Variants in RBFOX2 observed in about 807,000 individuals in gnomAD.
RBFOX2 encodes the protein RNA binding fox-1 homolog 2.
In RBFOX2, 10 loss-of-function variants were observed where a neutral mutation model predicts 49.1. The observed-to-expected ratio is 0.20, with a 90% CI of 0.13 to 0.35. The LOEUF is 0.35. Among genes scored for constraint, RBFOX2 ranks in the 10% least tolerant of loss-of-function variants. The pLI, the probability that RBFOX2 is intolerant of heterozygous loss-of-function variation, is 1.00. For missense variants in RBFOX2, 323 were observed against 486.9 expected (o/e 0.66, Z 3.17); for synonymous variants, 183 against 187.4 (o/e 0.98, Z 0.19).
chr22:36,007,688 A>C (rs1008395508), intron 1 of RBFOX2, among the ~76,000 whole-genome samples: 45 of 152,306 alleles, frequency 3.0e-4, no homozygotes, highest in African/African-American at 1.0e-3. Context: ...TCCTCCGAGG[A>C]GGCAACCGCT....
At chr22:35,937,988 A>C (rs115253453) in intron 1 of RBFOX2, among the ~76,000 whole-genome samples, 3 of 152,298 alleles carry the variant, frequency 2.0e-5, no homozygotes, top group Admixed American at 6.5e-5. Context: ...ACTGTAACTC[A>C]TATCTCCTGG....
intron 1 of RBFOX2, among the ~76,000 whole-genome samples, chr22:35,886,046 C>T (rs1429687759): frequency 2.0e-5 from 3 of 151,380 alleles, no homozygotes; most frequent in Admixed American, 6.6e-5. Flanking sequence ...TTAGTAGAGA[C>T]GGGGTTTCAC....
At chr22:35,820,007 A>T (rs1954099927) in intron 1 of RBFOX2, among the ~76,000 whole-genome samples, 1 of 152,212 alleles carries the variant, frequency 6.6e-6, no homozygotes, top group African/African-American at 2.4e-5. Flanking sequence ...CAAGCAGCTC[A>T]TTCTAAGAAC....
chr22:36,028,288 C>T, exon 1 of RBFOX2: 1 of 1,534,976 alleles, frequency 6.5e-7, no homozygotes, highest in South Asian at 1.2e-5. Flanking sequence ...TGCGCGGCCG[C>T]TTGCTCAGGC....
intron 1 of RBFOX2, among the ~76,000 whole-genome samples, chr22:35,895,397 A>G (rs191263104): frequency 1.0e-3 from 153 of 152,266 alleles, no homozygotes; most frequent in Admixed American, 2.2e-3. Flanking sequence ...CTCTGCCCCA[A>G]TTGTGGAGCC....
At chr22:35,765,986 A>G (rs1460098794) in intron 5 of RBFOX2, among the ~76,000 whole-genome samples, 1 of 152,136 alleles carries the variant, frequency 6.6e-6, no homozygotes, top group Non-Finnish European at 1.5e-5. Flanking sequence ...AAATATAGAA[A>G]CCTAAGATTC....
intron 1 of RBFOX2, among the ~76,000 whole-genome samples, chr22:36,021,515 T>C (rs2059247212): frequency 1.4e-5 from 2 of 142,906 alleles, no homozygotes; most frequent in East Asian, 2.0e-4. Context: ...CAAATGCTAC[T>C]AAAAAAAAAA....
chr22:35,849,892 A>G (rs2148959758), intron 1 of RBFOX2, among the ~76,000 whole-genome samples: 1 of 152,272 alleles, frequency 6.6e-6, no homozygotes, highest in East Asian at 1.9e-4. Context: ...TGAAAACTAC[A>G]CTGGAGATTT....
At chr22:36,028,552 G>C (rs1192764808) in exon 1 of RBFOX2, 1 of 880,026 alleles carries the variant, frequency 1.1e-6, no homozygotes, top group Non-Finnish European at 1.4e-6. Flanking sequence ...GCGTGCGTGC[G>C]TGCGCGCGAG....
At chr22:35,808,462 T>C (rs1156321807) in intron 2 of RBFOX2, among the ~76,000 whole-genome samples, 1 of 152,202 alleles carries the variant, frequency 6.6e-6, no homozygotes, top group African/African-American at 2.4e-5. Flanking sequence ...AAGCTCTCCT[T>C]TTCATAACCA....
upstream of RBFOX2, among the ~76,000 whole-genome samples, chr22:35,965,962 C>G (rs77476696): frequency 6.6e-6 from 1 of 152,102 alleles, no homozygotes; most frequent in South Asian, 2.1e-4. Flanking sequence ...ACCATCCCCC[C>G]GCCCCCTGCC....
intron 1 of RBFOX2, chr22:35,995,130 C>CT: frequency 6.6e-6 from 1 of 152,300 alleles, no homozygotes; most frequent in East Asian, 1.9e-4. Flanking sequence ...TGAAAAGAAA[C>CT]TAATACTTCC....
chr22:35,894,203 A>C (rs2047570428), intron 1 of RBFOX2, among the ~76,000 whole-genome samples: 1 of 152,176 alleles, frequency 6.6e-6, no homozygotes, highest in African/African-American at 2.4e-5. Context: ...AATGCTTTAT[A>C]ATGTCTCATT....
chr22:35,913,592 C>A (rs375749615), intron 1 of RBFOX2, among the ~76,000 whole-genome samples: 1 of 145,744 alleles, frequency 6.9e-6, no homozygotes, highest in African/African-American at 2.5e-5. Flanking sequence ...AGAGATATAC[C>A]GATATATATA....
chr22:35,777,335 T>C (rs1366450879), intron 4 of RBFOX2, among the ~76,000 whole-genome samples: 4 of 152,164 alleles, frequency 2.6e-5, no homozygotes, highest in African/African-American at 9.7e-5. Context: ...AAATTTTAAT[T>C]AAAAATTTCA....
intron 1 of RBFOX2, among the ~76,000 whole-genome samples, chr22:35,814,818 GC>G (rs67473040): frequency 0.049 from 7,392 of 151,906 alleles, 211 homozygotes; most frequent in African/African-American, 0.066. Flanking sequence ...GCTTTGGGAG[GC>G]CAAGGAGGGA....
chr22:35,879,395 C>T (rs1417949412), intron 1 of RBFOX2, among the ~76,000 whole-genome samples: 1 of 152,138 alleles, frequency 6.6e-6, no homozygotes, highest in African/African-American at 2.4e-5. Flanking sequence ...ATAAACACTC[C>T]AGAGATTATT....
chr22:35,938,975 T>G (rs919425643), upstream of RBFOX2: 2 of 1,358,136 alleles, frequency 1.5e-6, no homozygotes, highest in African/African-American at 2.9e-5. Context: ...TCCAAACTGA[T>G]CAAATATAAA....
intron 2 of RBFOX2, among the ~76,000 whole-genome samples, chr22:35,796,295 G>T (rs969326528): frequency 1.3e-5 from 2 of 152,066 alleles, no homozygotes; most frequent in Non-Finnish European, 2.9e-5. Flanking sequence ...AATTTTTAAA[G>T]TATTTAAAAA....
Sources: gnomAD v4.1 joint callset for allele counts (sites outside exome capture counted in the v4.1 genomes callset) on GRCh38, gnomAD v4.1.1 for gene constraint, MANE v1.5 for transcripts, NCBI Gene and HGNC (gene_info 2026-07-23, HGNC 2026-07-21) for gene names.